The following HDX variants were observed in gnomAD, a reference collection of about 807,000 sequenced individuals.
HDX encodes the protein chromosome X open reading frame 43.
A neutral mutation model predicts 45.2 loss-of-function variants in HDX; 19 were observed. The observed-to-expected ratio is 0.42, with a 90% CI of 0.29 to 0.62. The LOEUF (loss-of-function observed/expected upper bound fraction) is 0.62. Ranked by LOEUF, HDX falls within the 20% of genes least tolerant of loss-of-function variation. The pLI is 0.20. For missense variants in HDX, 532 were observed against 493.9 expected (o/e 1.08, Z -0.73); for synonymous variants, 188 against 172.8 (o/e 1.09, Z -0.69).
chrX:84,462,850 A>G (rs768464737), intron 4 of HDX, among the ~76,000 whole-genome samples: 6 of 111,547 alleles, frequency 5.4e-5, no homozygotes, highest in Non-Finnish European at 9.4e-5. Context: ...AGAAAACATA[A>G]TATGAAGTAT....
chrX:84,347,105 G>GT lies in HDX; in HGVS notation c.1453-2649dup, dbSNP rs79443018. Among the ~76,000 whole-genome samples the GT allele has an allele frequency of 2.8e-3, 302 of 107,947 alleles. 2 individuals are homozygous for GT. The highest frequency in any genetic ancestry group is 9.3e-3 in the African/African-American group (278 of 29,749). 93.7% of individuals were successfully genotyped at this position (107,947 alleles called of 115,157 possible). ...TAATTTTGGGGAAGCTAAAGTAAAT[G>GT]TTTTTTTTTCTGTTTCATTGATTTT... is the stretch of plus-strand genomic sequence containing the variant. On this transcript the variant is annotated intron_variant, in intron 6 of 10. Coordinates refer to ENST00000373177, the MANE Select transcript of HDX (RefSeq NM_001177479.2).
chrX:84,373,116 T>C (rs919025519), intron 5 of HDX, among the ~76,000 whole-genome samples: 1 of 111,439 alleles, frequency 9.0e-6, no homozygotes, highest in Admixed American at 9.6e-5. Context: ...ACAAAACACA[T>C]AGGTATTTTC....
intron 2 of HDX, among the ~76,000 whole-genome samples, chrX:84,486,165 A>ATT (rs200952636): frequency 1.2e-4 from 13 of 108,719 alleles, no homozygotes; most frequent in Admixed American, 4.9e-4. Context: ...TTCTGTTTTA[A>ATT]TTTTTTTTTG....
rs1383923477 is a variant in HDX at position 84,402,084 on chromosome X, G to A, written c.1305+38448C>T. Among the ~76,000 whole-genome samples the A allele has an allele frequency of 1.3e-4, 15 of 111,497 alleles. No homozygotes were observed. The Admixed American group carries it at 1.4e-3, about 11-fold the overall frequency. On this transcript the variant is annotated intron_variant, in intron 5 of 10. Coordinates refer to ENST00000373177, the MANE Select transcript of HDX (RefSeq NM_001177479.2). ...GAGACAGAGAGCATTAGGACAAATA[G>A]CTAATGCATGTGGGGCTTAAAACCG...
At chrX:84,411,541 A>G (rs2038985609) in intron 5 of HDX, among the ~76,000 whole-genome samples, 1 of 111,382 alleles carries the variant, frequency 9.0e-6, no homozygotes, top group African/African-American at 3.3e-5. Flanking sequence ...CTAGAGTGTG[A>G]TTTTGATAAT....
chrX:84,343,207 A>G (rs2037125452), intron 7 of HDX, among the ~76,000 whole-genome samples: 1 of 110,793 alleles, frequency 9.0e-6, no homozygotes, highest in Non-Finnish European at 1.9e-5. Context: ...TGATGGTTGT[A>G]CAACTGCATA....
At chrX:84,322,060 G>A (rs750090703) in intron 10 of HDX, 46 bp from the exon 11 acceptor site, 5 of 889,059 alleles carry the variant, frequency 5.6e-6, no homozygotes, top group Admixed American at 3.5e-5. Context: ...TGGATAGATT[G>A]TTTTCCAATT....
intron 6 of HDX, among the ~76,000 whole-genome samples, chrX:84,354,966 T>C (rs865815965): frequency 3.8e-4 from 24 of 62,827 alleles, no homozygotes; most frequent in Non-Finnish European, 7.1e-4. Flanking sequence ...TATATATATA[T>C]ATATATACAC....
Position 84,320,488 on chromosome X carries a change from T to C in HDX, c.*1401A>G, listed in dbSNP as rs1239902887. 1.8e-5 allele frequency: 2 copies of C among 110,874 alleles called. No individual in the cohort carries two copies. Among genetic ancestry groups the C allele is most frequent in the Admixed American group, 1.9e-4 (2 of 10,423 alleles). 9.1% of individuals were successfully genotyped at this position (110,874 alleles called of 1,213,427 possible). A position where few individuals can be genotyped will look rare whatever the true frequency, so the allele number is the denominator to read the frequency against. ...GTACTAGTAAATTTCAAGATCAAAT[T>C]TGGCTCTAATTACAAATTTTTAAAA... On this transcript the variant is annotated 3_prime_UTR_variant, in exon 11 of 11. Coordinates refer to ENST00000373177, the MANE Select transcript of HDX (RefSeq NM_001177479.2).
intron 4 of HDX, among the ~76,000 whole-genome samples, chrX:84,458,156 A>G (rs925315536): frequency 2.7e-5 from 3 of 111,430 alleles, no homozygotes; most frequent in Non-Finnish European, 3.8e-5. Context: ...TCTAGTAACA[A>G]TGTTTTTGCA....
chrX:84,403,331 A>C (rs1328971520), intron 5 of HDX, among the ~76,000 whole-genome samples: 2 of 111,642 alleles, frequency 1.8e-5, no homozygotes, highest in Non-Finnish European at 3.8e-5. Flanking sequence ...ATAGTAAACA[A>C]AGCTAAATTT....
chrX:84,387,986 C>G (rs752809170), intron 5 of HDX, among the ~76,000 whole-genome samples: 23 of 112,208 alleles, frequency 2.0e-4, no homozygotes, highest in African/African-American at 5.8e-4. Context: ...TCTAATAAGA[C>G]TTGTCTAGTT....
At position 84,469,493 on chromosome X, in the gene HDX, G is replaced by C; in HGVS notation, c.230C>G (p.Ala77Gly). Residue 77 changes from alanine (A) to glycine (G), a missense_variant, in exon 4 of 11, where the codon GCT (alanine) becomes GGT (glycine). Coordinates refer to ENST00000373177, the MANE Select transcript of HDX (RefSeq NM_001177479.2). ...CACATTTCTGACTGTGATGTCTGGA[G>C]CTGACAAAGAGGTTCCTGTTGTTGC... ...GTATTGTSLSAPDITVRNVVN... is the reference protein window; with the variant it reads ...GTATTGTSLSGPDITVRNVVN... The C allele has an allele frequency of 4.1e-6, 5 of 1,209,387 alleles. No homozygotes were observed. The highest frequency in any genetic ancestry group is 5.6e-6 in the Non-Finnish European group (5 of 893,788).
chrX:84,493,399 G>A (rs758300555), intron 1 of HDX, among the ~76,000 whole-genome samples: 3 of 111,809 alleles, frequency 2.7e-5, no homozygotes, highest in African/African-American at 9.7e-5. Context: ...CAAAGAAATT[G>A]TTCACTGACC....
chrX:84,376,288 G>T (rs1030368216), intron 5 of HDX, among the ~76,000 whole-genome samples: 2 of 112,382 alleles, frequency 1.8e-5, no homozygotes, highest in Admixed American at 9.4e-5. Flanking sequence ...CTGGCTTCAG[G>T]TGAGACTCAG....
chrX:84,336,881 C>A lies in HDX; in HGVS notation c.1661-1G>T. 1 of 1,153,093 alleles carries A rather than the reference C, an allele frequency of 8.7e-7. No individual in the cohort carries two copies. Among genetic ancestry groups the A allele is most frequent in the Admixed American group, 2.4e-5 (1 of 42,185 alleles). On this transcript the variant is annotated splice_acceptor_variant, in intron 7 of 10. Coordinates refer to ENST00000373177, the MANE Select transcript of HDX (RefSeq NM_001177479.2). LOFTEE classifies it high-confidence loss of function. ...TTCGGAACAACTTCATTGGGCTCTT[C>A]TACAGAAAAAAATGCCATAATTTCA...
chrX:84,330,579 A>G, intron 9 of HDX, among the ~76,000 whole-genome samples: 1 of 111,688 alleles, frequency 9.0e-6, no homozygotes, highest in Non-Finnish European at 1.9e-5. Flanking sequence ...TAAAGTGCTG[A>G]CCAGGAAGTC....
chrX:84,387,277 A>G (rs1335838147), intron 5 of HDX, among the ~76,000 whole-genome samples: 1 of 111,776 alleles, frequency 8.9e-6, no homozygotes, highest in Non-Finnish European at 1.9e-5. Context: ...ACCTTTGAAT[A>G]TGTTCTGTGT....
chrX:84,332,961 G>T (rs936900482), intron 9 of HDX, among the ~76,000 whole-genome samples: 1 of 111,469 alleles, frequency 9.0e-6, no homozygotes, highest in African/African-American at 3.3e-5. Flanking sequence ...TTGAGGAAAT[G>T]ACAGCTGTTA....
Sources: allele counts gnomAD v4.1 joint callset (sites outside exome capture counted in the v4.1 genomes callset), GRCh38; gene constraint gnomAD v4.1.1; transcripts MANE v1.5; gene names NCBI Gene and HGNC (gene_info 2026-07-23, HGNC 2026-07-21).